CABCOCO1: variants seen among roughly 807,000 people sequenced by gnomAD.
The protein encoded by CABCOCO1 is ciliary-associated calcium-binding coiled-coil protein 1.
CABCOCO1 carries 28 observed loss-of-function variants against 35.7 expected under a neutral mutation model. That is an observed-to-expected ratio of 0.78 (90% CI 0.58 to 1.07). The LOEUF (loss-of-function observed/expected upper bound fraction) is 1.07, where lower values mean the gene tolerates loss of function less well. Ranked by LOEUF, CABCOCO1 falls within the 50% of genes least tolerant of loss-of-function variation. The pLI is 0.00. For synonymous variants in CABCOCO1, 95 were observed against 100.1 expected, an observed-to-expected ratio of 0.95 and a Z score of 0.30; for missense variants, 326 against 309.2, an observed-to-expected ratio of 1.05 and a Z score of -0.41.
chr10:61,742,931 GA>G (rs1564553443), intron 5 of CABCOCO1, among the ~76,000 whole-genome samples: 1 of 152,118 alleles, frequency 6.6e-6, no homozygotes, highest in African/African-American at 2.4e-5. Context: ...AAAATAGAAT[GA>G]ATTTACCCAA....
chr10:61,679,491 A>T (rs748419235), intron 2 of CABCOCO1, among the ~76,000 whole-genome samples: 9 of 152,194 alleles, frequency 5.9e-5, no homozygotes, highest in Non-Finnish European at 1.2e-4. Flanking sequence ...TAATAAAGAG[A>T]GTCTATTCAT....
At chr10:61,763,508 T>C (rs2675612) in intron 7 of CABCOCO1, among the ~76,000 whole-genome samples, 95,837 of 151,778 alleles carry the variant, frequency 0.63, 31,514 homozygotes, top group South Asian at 0.77. Context: ...GGCCCTGAGT[T>C]GTGTAATAAA....
At chr10:61,762,316 A>G (rs1842024575) in intron 7 of CABCOCO1, among the ~76,000 whole-genome samples, 2 of 152,218 alleles carry the variant, frequency 1.3e-5, no homozygotes, top group South Asian at 2.1e-4. Flanking sequence ...TTTAAATATT[A>G]CAGTCTGCAG....
At chr10:61,733,564 A>G (rs1841351259) in intron 5 of CABCOCO1, among the ~76,000 whole-genome samples, 2 of 152,064 alleles carry the variant, frequency 1.3e-5, no homozygotes, top group Admixed American at 1.3e-4. Context: ...TTAAAACTTC[A>G]TTTTTGTGCC....
At chr10:61,720,234 T>C (rs796696621) in intron 5 of CABCOCO1, among the ~76,000 whole-genome samples, 12 of 151,360 alleles carry the variant, frequency 7.9e-5, no homozygotes, top group African/African-American at 2.7e-4. Context: ...TTTTTAAGTA[T>C]GCAAGCAATA....
intron 5 of CABCOCO1, among the ~76,000 whole-genome samples, chr10:61,752,186 G>A (rs1161291653): frequency 6.6e-6 from 1 of 152,064 alleles, no homozygotes; most frequent in South Asian, 2.1e-4. Flanking sequence ...GGAATAAAAG[G>A]CTGCCTTGCC....
At chr10:61,754,716 T>C (rs1294126727) in intron 5 of CABCOCO1, among the ~76,000 whole-genome samples, 1 of 152,148 alleles carries the variant, frequency 6.6e-6, no homozygotes, top group Non-Finnish European at 1.5e-5. Context: ...CAACTTAAAT[T>C]TCTCCTTGCA....
At chr10:61,760,462 A>G (rs983155235) in intron 6 of CABCOCO1, among the ~76,000 whole-genome samples, 1 of 152,074 alleles carries the variant, frequency 6.6e-6, no homozygotes, top group African/African-American at 2.4e-5. Flanking sequence ...GAACAGGAAT[A>G]TAAATACAGA....
intron 4 of CABCOCO1, among the ~76,000 whole-genome samples, chr10:61,688,705 T>C (rs746207190): frequency 1.3e-5 from 2 of 152,230 alleles, no homozygotes; most frequent in African/African-American, 2.4e-5. Flanking sequence ...TGCCGCTCTG[T>C]AAACCACAGG....
chr10:61,745,135 GA>G (rs1374692892), intron 5 of CABCOCO1, among the ~76,000 whole-genome samples: 1 of 152,114 alleles, frequency 6.6e-6, no homozygotes, highest in Non-Finnish European at 1.5e-5. Flanking sequence ...CATAGTCTAT[GA>G]CCAGAGGTCT....
chr10:61,691,618 T>C (rs1840144227), intron 5 of CABCOCO1, among the ~76,000 whole-genome samples: 1 of 152,154 alleles, frequency 6.6e-6, no homozygotes, highest in Non-Finnish European at 1.5e-5. Context: ...ACATTAGGTA[T>C]TTCTCCTAAT....
At chr10:61,732,973 A>C (rs1841338087) in intron 5 of CABCOCO1, among the ~76,000 whole-genome samples, 1 of 152,070 alleles carries the variant, frequency 6.6e-6, no homozygotes, top group Non-Finnish European at 1.5e-5. Context: ...ATTGGGATCA[A>C]GTGAACCAGT....
intron 5 of CABCOCO1, among the ~76,000 whole-genome samples, chr10:61,716,150 T>C (rs1327604023): frequency 6.6e-6 from 1 of 152,202 alleles, no homozygotes; most frequent in Admixed American, 6.5e-5. Flanking sequence ...TTTTTTAATA[T>C]TCAATATATT....
intron 2 of CABCOCO1, among the ~76,000 whole-genome samples, chr10:61,676,334 G>A (rs2131962873): frequency 6.6e-6 from 1 of 152,246 alleles, no homozygotes; most frequent in African/African-American, 2.4e-5. Flanking sequence ...TGTGATATAA[G>A]AAGCCTGGCA....
At chr10:61,761,086 C>A in intron 7 of CABCOCO1, 83 bp downstream of exon 7, 1 of 1,421,780 alleles carries the variant, frequency 7.0e-7, no homozygotes, top group Non-Finnish European at 9.7e-7. Context: ...AAACACTCCC[C>A]ACACTGCCAG....
intron 5 of CABCOCO1, among the ~76,000 whole-genome samples, chr10:61,746,480 G>A (rs1229197262): frequency 6.6e-6 from 1 of 152,142 alleles, no homozygotes. Context: ...AATCTATCAT[G>A]GCTGGTGCTT....
intron 5 of CABCOCO1, among the ~76,000 whole-genome samples, chr10:61,737,955 AT>A (rs1462437251): frequency 6.6e-6 from 1 of 152,098 alleles, no homozygotes; most frequent in Non-Finnish European, 1.5e-5. Context: ...CCAAACTAAA[AT>A]AAAAATTTTT....
chr10:61,689,415 G>A (rs1840065650), intron 4 of CABCOCO1, among the ~76,000 whole-genome samples: 1 of 152,064 alleles, frequency 6.6e-6, no homozygotes, highest in Non-Finnish European at 1.5e-5. Flanking sequence ...ATGTACAAGA[G>A]GTTTTTTTCC....
At chr10:61,737,504 C>T (rs146987669) in intron 5 of CABCOCO1, among the ~76,000 whole-genome samples, 3 of 152,190 alleles carry the variant, frequency 2.0e-5, no homozygotes, top group Non-Finnish European at 2.9e-5. Context: ...CACATTCACG[C>T]GAATTTTTGT....
Sources: allele counts gnomAD v4.1 joint callset (sites outside exome capture counted in the v4.1 genomes callset), GRCh38; gene constraint gnomAD v4.1.1; transcripts MANE v1.5; gene names NCBI Gene and HGNC (gene_info 2026-07-23, HGNC 2026-07-21).